PPP1R9A: variants seen among roughly 807,000 people sequenced by gnomAD.
PPP1R9A encodes the protein neurabin-1.
A neutral mutation model predicts 141.9 loss-of-function variants in PPP1R9A; 59 were observed. The observed-to-expected ratio is 0.42, with a 90% CI of 0.34 to 0.52. PPP1R9A has a LOEUF of 0.52. Ranked by LOEUF, PPP1R9A falls within the 20% of genes least tolerant of loss-of-function variation. PPP1R9A has a pLI of 0.10. For synonymous variants in PPP1R9A, 500 were observed against 569.7 expected (o/e 0.88, Z 1.74); for missense variants, 1,444 against 1,611.9 (o/e 0.90, Z 1.78).
intron 8 of PPP1R9A, among the ~76,000 whole-genome samples, chr7:95,242,595 GA>G (rs34061283): frequency 0.13 from 19,910 of 150,510 alleles, 1,490 homozygotes; most frequent in African/African-American, 0.18. Context: ...TCATCTTTTT[GA>G]AAAAAAAATT....
chr7:95,144,883 G>C (rs972371876), intron 4 of PPP1R9A, among the ~76,000 whole-genome samples: 4 of 152,168 alleles, frequency 2.6e-5, no homozygotes. Context: ...CAGCAAACTT[G>C]CAGGATCAAC....
chr7:95,121,459 GTCTATCTA>G (rs35336740), intron 4 of PPP1R9A, among the ~76,000 whole-genome samples: 1,947 of 50,290 alleles, frequency 0.039, 36 homozygotes, highest in Middle Eastern at 0.092. Context: ...CTGTCTGTCT[GTCTATCTA>G]TCTATCTATC....
At chr7:95,024,751 T>C (rs2151757725) in intron 2 of PPP1R9A, among the ~76,000 whole-genome samples, 1 of 152,328 alleles carries the variant, frequency 6.6e-6, no homozygotes, top group Admixed American at 6.5e-5. Flanking sequence ...CTGTGTCTTT[T>C]AATTGGGGCA....
rs1806636246 is a variant in PPP1R9A at position 95,293,478 on chromosome 7, T to C, written c.*3175T>C. The C allele has an allele frequency of 6.6e-6, 1 of 152,194 alleles. No homozygotes were observed. The allele number at this position is 152,194 out of a possible 1,614,324, so 9.4% of individuals were successfully genotyped here. The stretch of plus-strand genomic sequence containing the variant: ...ACACCCTCAACATCACAAGCTTTTT[T>C]TAACCCACAGCAGTTCATGATTGCA... On this transcript the variant is annotated 3_prime_UTR_variant, in exon 20 of 20. Coordinates refer to ENST00000433360, the MANE Select transcript of PPP1R9A (RefSeq NM_001166160.2).
At chr7:95,199,038 C>T (rs1202359651) in intron 6 of PPP1R9A, among the ~76,000 whole-genome samples, 2 of 152,164 alleles carry the variant, frequency 1.3e-5, no homozygotes, top group Admixed American at 1.3e-4. Flanking sequence ...TTTCCACTAG[C>T]ACATGTTCCA....
intron 2 of PPP1R9A, among the ~76,000 whole-genome samples, chr7:94,956,363 T>C (rs1379738918): frequency 6.6e-6 from 1 of 152,130 alleles, no homozygotes; most frequent in East Asian, 1.9e-4. Context: ...AGATCTTTTA[T>C]TTTCTATGTA....
In PPP1R9A at chr7:95,291,954, A is replaced by C. The variant is rs1381532606; in HGVS notation, c.*1651A>C. The C allele has an allele frequency of 6.6e-6, 1 of 152,140 alleles. No individual in the cohort carries two copies. The highest frequency in any genetic ancestry group is 2.4e-5 in the African/African-American group (1 of 41,434). The allele number at this position is 152,140 out of a possible 1,614,324, so 9.4% of individuals were successfully genotyped here. On this transcript the variant is annotated 3_prime_UTR_variant, in exon 20 of 20. Coordinates refer to ENST00000433360, the MANE Select transcript of PPP1R9A (RefSeq NM_001166160.2). ...TTTATCTGAAAATCTGAATTCAGAA[A>C]TTATCTAAACTGGACATTTTTAATT... is the stretch of plus-strand genomic sequence containing the variant.
chr7:95,156,935 C>G (rs935409525), intron 4 of PPP1R9A: 1 of 152,352 alleles, frequency 6.6e-6, no homozygotes, highest in Non-Finnish European at 1.5e-5. Context: ...CTGGCTGAGC[C>G]TGGGGCTTTT....
chr7:94,939,056 T>C (rs1795060764), intron 2 of PPP1R9A, among the ~76,000 whole-genome samples: 1 of 152,090 alleles, frequency 6.6e-6, no homozygotes, highest in Non-Finnish European at 1.5e-5. Flanking sequence ...CAGGAATTCA[T>C]TACTGTGTGA....
At chr7:95,238,017 C>G (rs1796948170) in intron 8 of PPP1R9A, among the ~76,000 whole-genome samples, 1 of 152,048 alleles carries the variant, frequency 6.6e-6, no homozygotes. Flanking sequence ...ATTACCTTGA[C>G]TTATTTTGAC....
intron 2 of PPP1R9A, among the ~76,000 whole-genome samples, chr7:94,950,465 G>T (rs1796349660): frequency 6.6e-6 from 1 of 151,902 alleles, no homozygotes; most frequent in Non-Finnish European, 1.5e-5. Flanking sequence ...GCTCTTCTTA[G>T]CCCTTTGTTC....
At chr7:95,103,546 T>A (rs1351346098) in intron 2 of PPP1R9A, among the ~76,000 whole-genome samples, 2 of 151,964 alleles carry the variant, frequency 1.3e-5, no homozygotes, top group African/African-American at 4.8e-5. Flanking sequence ...TTTTTTGTAT[T>A]TTTAGTAGAG....
chr7:95,176,253 T>G (rs1044670687), intron 5 of PPP1R9A, among the ~76,000 whole-genome samples: 5 of 152,056 alleles, frequency 3.3e-5, no homozygotes, highest in Non-Finnish European at 1.5e-5. Context: ...AGAAGAGAGA[T>G]AACAGTAACT....
At chr7:95,086,205 G>A (rs571313975) in intron 2 of PPP1R9A, among the ~76,000 whole-genome samples, 2 of 151,942 alleles carry the variant, frequency 1.3e-5, no homozygotes, top group East Asian at 3.9e-4. Flanking sequence ...TTTTAAAATA[G>A]ACTGTAGTAC....
At position 95,059,640 on chromosome 7, in the gene PPP1R9A, G is replaced by A. The variant is rs189549902; in HGVS notation, c.1396-51619G>A. Among the ~76,000 whole-genome samples the A allele has an allele frequency of 1.9e-3, 294 of 152,240 alleles. 2 individuals are homozygous for A. Among genetic ancestry groups the A allele is most frequent in the African/African-American group, 6.6e-3 (275 of 41,544 alleles). On this transcript the variant is annotated intron_variant, in intron 2 of 19. Coordinates refer to ENST00000433360, the MANE Select transcript of PPP1R9A (RefSeq NM_001166160.2). ...TTTTTCTGTATCTGTTATTTCTAGA[G>A]CATAAGCAGTTTGTATGAGGTTGAG... is the stretch of plus-strand genomic sequence containing the variant.
intron 5 of PPP1R9A, among the ~76,000 whole-genome samples, chr7:95,171,061 A>C (rs1454269628): frequency 6.6e-6 from 1 of 151,534 alleles, no homozygotes; most frequent in Non-Finnish European, 1.5e-5. Flanking sequence ...ATAAACACTG[A>C]AGAAACCCCA....
intron 7 of PPP1R9A, among the ~76,000 whole-genome samples, chr7:95,205,560 C>T (rs1195099620): frequency 2.0e-5 from 3 of 152,140 alleles, no homozygotes; most frequent in African/African-American, 4.8e-5. Context: ...TAGTGAGAGA[C>T]GGATGCCTGG....
At chr7:95,072,972 TATAATA>T (rs1254912975) in intron 2 of PPP1R9A, among the ~76,000 whole-genome samples, 1 of 131,834 alleles carries the variant, frequency 7.6e-6, no homozygotes, top group Non-Finnish European at 1.5e-5. Flanking sequence ...TTATATATAA[TATAATA>T]ATAATATTAT....
intron 4 of PPP1R9A, 59 bp from the exon 5 acceptor site, chr7:95,161,808 T>A: frequency 9.0e-7 from 1 of 1,109,734 alleles, no homozygotes; most frequent in Non-Finnish European, 1.3e-6. Flanking sequence ...TGGAAATGAT[T>A]ATTACATAAA....
Sources: allele counts gnomAD v4.1 joint callset (sites outside exome capture counted in the v4.1 genomes callset), GRCh38; gene constraint gnomAD v4.1.1; transcripts MANE v1.5; gene names NCBI Gene and HGNC (gene_info 2026-07-23, HGNC 2026-07-21).